Variants in BLACAT1 observed in about 807,000 individuals in gnomAD.
BLACAT1 encodes bladder cancer associated transcript 1.
chr1:205,447,393 C>G (rs148710547), intron 1 of BLACAT1, among the ~76,000 whole-genome samples: 131 of 152,230 alleles, frequency 8.6e-4, no homozygotes, highest in African/African-American at 3.0e-3. Flanking sequence ...TTATAAGAAA[C>G]TTGCCTTCTG....
chr1:205,444,684 G>T (rs912084882), intron 1 of BLACAT1, among the ~76,000 whole-genome samples: 6 of 152,146 alleles, frequency 3.9e-5, no homozygotes, highest in Admixed American at 1.3e-4. Context: ...AAACTCCTAG[G>T]TGTCTCGAAT....
chr1:205,440,307 G>T (rs568639160), exon 2 of BLACAT1, among the ~76,000 whole-genome samples: 1 of 152,298 alleles, frequency 6.6e-6, no homozygotes, highest in Non-Finnish European at 1.5e-5. Flanking sequence ...AGAACAGAGG[G>T]AGCCACGGAG....
At chr1:205,439,012 A>C (rs1666252057), downstream of BLACAT1, among the ~76,000 whole-genome samples, 1 of 152,146 alleles carries the variant, frequency 6.6e-6, no homozygotes, top group Admixed American at 6.5e-5. Flanking sequence ...AATATCTCTG[A>C]GTCTCCGGGG....
At chr1:205,455,009 C>A (rs1666545764) in intron 1 of BLACAT1, among the ~76,000 whole-genome samples, 1 of 152,154 alleles carries the variant, frequency 6.6e-6, no homozygotes, top group Admixed American at 6.5e-5. Flanking sequence ...TCCCTTGGGC[C>A]CCCAGACGCC....
rs930962121 is a variant in BLACAT1, at chr1:205,450,636, A to G, written c.-37+5281T>C. Among the ~76,000 whole-genome samples, 1 of 152,068 alleles carries G rather than the reference A, an allele frequency of 6.6e-6. No individual in the cohort carries two copies. Among genetic ancestry groups the G allele is most frequent in the African/African-American group, 2.4e-5 (1 of 41,396 alleles). The stretch of plus-strand genomic sequence containing the variant: ...CAGTCCTGCGCTCGGATTCCCAGCC[A>G]TAGCCTGCCAATCCCAGCTGCCTAT... On this transcript the variant is annotated intron_variant, in intron 1 of 1. Coordinates refer to ENST00000629624, the Ensembl canonical transcript of BLACAT1. The surrounding 1 kb of genome is among the most constrained non-coding windows in gnomAD (Gnocchi z 4.4).
intron 1 of BLACAT1, among the ~76,000 whole-genome samples, chr1:205,451,311 T>C (rs1350743163): frequency 6.6e-6 from 1 of 152,142 alleles, no homozygotes; most frequent in African/African-American, 2.4e-5. Context: ...CTACCACCAG[T>C]GGCCTCCTCT....
chr1:205,436,319 C>T (rs2102458944), downstream of BLACAT1: 1 of 152,310 alleles, frequency 6.6e-6, no homozygotes. Flanking sequence ...CGACTTCCTC[C>T]AGGGATGCCC....
intron 1 of BLACAT1, among the ~76,000 whole-genome samples, chr1:205,447,451 T>C (rs929031385): frequency 2.6e-5 from 4 of 152,088 alleles, no homozygotes; most frequent in African/African-American, 7.2e-5. Context: ...CAGTGGTCTG[T>C]CTTAGACAGA....
At position 205,450,450 on chromosome 1, in the gene BLACAT1, C is replaced by G. The variant is rs1407474054; in HGVS notation, c.-37+5467G>C. 6.8e-6 allele frequency among the ~76,000 whole-genome samples: 1 copy of G among 147,474 alleles called. No individual in the cohort carries two copies. Among genetic ancestry groups the G allele is most frequent in the African/African-American group, 2.5e-5 (1 of 40,064 alleles). On this transcript the variant is annotated intron_variant, in intron 1 of 1. Transcript: ENST00000629624. The surrounding 1 kb of genome is among the most constrained non-coding windows in gnomAD (Gnocchi z 4.4). ...CTGCAGGCCCCCCTCTCCTGCCTGG[C>G]CCCCCTCCCCTTCTCCGCAGCCCTG... is the stretch of plus-strand genomic sequence containing the variant.
intron 1 of BLACAT1, among the ~76,000 whole-genome samples, chr1:205,453,328 A>T (rs1346574768): frequency 6.6e-6 from 1 of 152,170 alleles, no homozygotes; most frequent in African/African-American, 2.4e-5. Context: ...GCCACTAGGT[A>T]GCCTTTCCCC....
downstream of BLACAT1, chr1:205,435,060 C>T (rs1575005281): frequency 6.6e-6 from 1 of 152,212 alleles, no homozygotes; most frequent in African/African-American, 2.4e-5. Flanking sequence ...CCCCAGGAAA[C>T]TTAACCATCC....
At chr1:205,451,417 G>A (rs1291284110) in intron 1 of BLACAT1, among the ~76,000 whole-genome samples, 5 of 152,142 alleles carry the variant, frequency 3.3e-5, no homozygotes, top group African/African-American at 1.2e-4. Context: ...CATTCTTCCT[G>A]CCGCAGGCTC....
In BLACAT1 at chr1:205,450,431, GC is replaced by G. The variant is rs1252610997; in HGVS notation, c.-37+5485del. On this transcript the variant is annotated intron_variant, in intron 1 of 1. Coordinates refer to ENST00000629624, the Ensembl canonical transcript of BLACAT1. The surrounding 1 kb of genome is among the most constrained non-coding windows in gnomAD (Gnocchi z 4.4). ...GGAGACCTGAGACGGCTCCCTGCAG[GC>G]CCCCCTCTCCTGCCTGGCCCCCCTC... 1.3e-5 allele frequency among the ~76,000 whole-genome samples: 2 copies of G among 149,900 alleles called. No homozygotes were observed. Among genetic ancestry groups the G allele is most frequent in the Admixed American group, 6.6e-5 (1 of 15,056 alleles).
chr1:205,452,621 T>G (rs768316365), intron 1 of BLACAT1, among the ~76,000 whole-genome samples: 13 of 152,220 alleles, frequency 8.5e-5, no homozygotes, highest in Non-Finnish European at 4.4e-5. Context: ...AGATAAAACC[T>G]AAGGTCCCAA....
downstream of BLACAT1, chr1:205,437,418 G>C (rs1666228151): frequency 1.3e-5 from 2 of 152,314 alleles, no homozygotes; most frequent in Non-Finnish European, 2.9e-5. Context: ...TCAGAGTCTA[G>C]GCCAACTGAC....
chr1:205,435,193 C>A (rs966335936), downstream of BLACAT1: 1 of 152,134 alleles, frequency 6.6e-6, no homozygotes, highest in African/African-American at 2.4e-5. Flanking sequence ...GAAATGTATC[C>A]GCCCAACACA....
chr1:205,446,274 A>G (rs1666386721), intron 1 of BLACAT1, among the ~76,000 whole-genome samples: 1 of 152,248 alleles, frequency 6.6e-6, no homozygotes, highest in Admixed American at 6.5e-5. Context: ...TGTAACCCCC[A>G]GAAGCAATCC....
intron 1 of BLACAT1, among the ~76,000 whole-genome samples, chr1:205,454,906 A>T (rs777804448): frequency 6.6e-6 from 1 of 152,084 alleles, no homozygotes; most frequent in Non-Finnish European, 1.5e-5. Flanking sequence ...TCAGACCAAA[A>T]GAAGAATTTG....
chr1:205,437,118 A>T (rs536424522), downstream of BLACAT1: 3 of 152,590 alleles, frequency 2.0e-5, no homozygotes, highest in Admixed American at 1.3e-4. Flanking sequence ...TTCAGTCTGT[A>T]GACAGGACAA....
Sources: allele counts gnomAD v4.1 joint callset (sites outside exome capture counted in the v4.1 genomes callset), GRCh38; gene constraint gnomAD v4.1.1; non-coding constraint Gnocchi (gnomAD v3.1); transcripts MANE v1.5; gene names NCBI Gene and HGNC (gene_info 2026-07-23, HGNC 2026-07-21).